The following ABCA1 variants were observed in gnomAD, a reference collection of about 807,000 sequenced individuals.
ABCA1 encodes the protein phospholipid-transporting ATPase ABCA1.
Under a neutral mutation model 262.5 loss-of-function variants are expected in ABCA1, and 133 were observed. That is an observed-to-expected ratio of 0.51 (90% CI 0.44 to 0.59). ABCA1 has a LOEUF of 0.59. Ranked by LOEUF, ABCA1 falls within the 20% of genes least tolerant of loss-of-function variation. The pLI, the probability that ABCA1 is intolerant of heterozygous loss-of-function variation, is 0.00. For synonymous variants in ABCA1, 1,022 were observed against 1,043.5 expected, an observed-to-expected ratio of 0.98 and a Z score of 0.40; for missense variants, 2,452 against 2,777.5, an observed-to-expected ratio of 0.88 and a Z score of 2.63.
chr9:104,803,007 A>G (rs1830470973), intron 33 of ABCA1, among the ~76,000 whole-genome samples: 1 of 152,180 alleles, frequency 6.6e-6, no homozygotes, highest in Non-Finnish European at 1.5e-5. Flanking sequence ...ATTCTCCTCA[A>G]GGAAATCAGT....
Position 104,829,037 on chromosome 9 carries a change from G to A in ABCA1, c.1994C>T (p.Ala665Val), listed in dbSNP as rs764572228. 3 of 1,614,196 alleles carry A rather than the reference G, an allele frequency of 1.9e-6. No homozygotes were observed. Among genetic ancestry groups the A allele is most frequent in the African/African-American group, 1.3e-5 (1 of 75,060 alleles). ...IIKGIVYEKEARLKETMRIMG... is the reference protein window; with the variant it reads ...IIKGIVYEKEVRLKETMRIMG... Reference sequence around the variant, plus strand: ...GATCCGCATGGTCTCTTTCAGCCGTGCCTCCTTCTCATACACGATGCCCTT... The same window carrying A: ...GATCCGCATGGTCTCTTTCAGCCGTACCTCCTTCTCATACACGATGCCCTT... Residue 665 changes from alanine to valine, a missense_variant, in exon 15 of 50, where the codon GCA (alanine) becomes GTA (valine). Transcript: ENST00000374736.
intron 2 of ABCA1, among the ~76,000 whole-genome samples, chr9:104,897,217 A>G (rs1030308918): frequency 2.6e-5 from 4 of 152,130 alleles, no homozygotes; most frequent in African/African-American, 9.7e-5. Context: ...CACATCAGAA[A>G]AATGCTAGAG....
chr9:104,927,683 A>G, intron 1 of ABCA1: 1 of 150,998 alleles, frequency 6.6e-6, no homozygotes, highest in Non-Finnish European at 1.5e-5. Context: ...CCGGGTCTCC[A>G]CGCCCAGAGA....
chr9:104,851,353 C>T (rs1283451288), intron 7 of ABCA1, among the ~76,000 whole-genome samples: 1 of 152,180 alleles, frequency 6.6e-6, no homozygotes, highest in African/African-American at 2.4e-5. Flanking sequence ...GAAAGACCTG[C>T]CTCAGCCGAC....
At position 104,907,960 on chromosome 9, in the gene ABCA1, AT is replaced by A. The variant is rs539759869; in HGVS notation, c.-92-4190del. Among the ~76,000 whole-genome samples, 300 of 152,310 alleles carry A rather than the reference AT, an allele frequency of 2.0e-3. 2 individuals carry two copies. The highest frequency in any genetic ancestry group is 7.1e-3 in the African/African-American group (294 of 41,568). On this transcript the variant is annotated intron_variant, in intron 1 of 49. Transcript: ENST00000374736. Reference sequence around the variant, plus strand: ...AGTGACTGCTGGAAACCTTTGGCCAATTTTTTAAGGAAATTTTAACTGCAAA... The same window carrying A: ...AGTGACTGCTGGAAACCTTTGGCCAATTTTTAAGGAAATTTTAACTGCAAA...
intron 1 of ABCA1, among the ~76,000 whole-genome samples, chr9:104,927,221 G>A (rs2472374): frequency 0.47 from 56,688 of 121,280 alleles, 11,551 homozygotes; most frequent in South Asian, 0.64. Context: ...AGAAAAAAAA[G>A]AAAAAGAAAA....
At chr9:104,870,886 G>A (rs1212744924) in intron 5 of ABCA1, among the ~76,000 whole-genome samples, 1 of 152,074 alleles carries the variant, frequency 6.6e-6, no homozygotes, top group African/African-American at 2.4e-5. Flanking sequence ...GCTCAGTGGG[G>A]GAGCTTCTGA....
chr9:104,856,007 T>G, intron 7 of ABCA1: 1 of 1,612,898 alleles, frequency 6.2e-7, no homozygotes, highest in Non-Finnish European at 8.5e-7. Context: ...ATGTTGGGCT[T>G]TGCATCTCCG....
chr9:104,903,683 C>G lies in ABCA1; in HGVS notation c.-4G>C. The stretch of plus-strand genomic sequence containing the variant: ...TCAGCTGAGGCCAACAAGCCATGTT[C>G]CCTCAGCCAGCACCCCCAGCGTGTG... On this transcript the variant is annotated 5_prime_UTR_variant, in exon 2 of 50. Coordinates refer to ENST00000374736, the MANE Select transcript of ABCA1 (RefSeq NM_005502.4). 6.3e-7 allele frequency: 1 copy of G among 1,577,764 alleles called. No individual in the cohort carries two copies. Among genetic ancestry groups the G allele is most frequent in the Non-Finnish European group, 8.6e-7 (1 of 1,161,032 alleles).
intron 2 of ABCA1, among the ~76,000 whole-genome samples, chr9:104,892,636 T>C (rs1202731998): frequency 2.6e-5 from 4 of 152,178 alleles, no homozygotes; most frequent in African/African-American, 9.7e-5. Flanking sequence ...CACATGATAA[T>C]GGCTTTAAAA....
At chr9:104,863,168 C>T (rs1474867163) in intron 5 of ABCA1, among the ~76,000 whole-genome samples, 1 of 152,074 alleles carries the variant, frequency 6.6e-6, no homozygotes, top group Non-Finnish European at 1.5e-5. Flanking sequence ...GGCGTCCCTG[C>T]GTACCTCATG....
chr9:104,827,415 C>T (rs910216091), intron 15 of ABCA1, among the ~76,000 whole-genome samples: 10 of 152,176 alleles, frequency 6.6e-5, no homozygotes, highest in Admixed American at 3.9e-4. Context: ...GGGCTTTCTA[C>T]GCATTTCAGT....
At chr9:104,903,403 A>T (rs967990036) in intron 2 of ABCA1, among the ~76,000 whole-genome samples, 9 of 152,140 alleles carry the variant, frequency 5.9e-5, no homozygotes, top group Admixed American at 5.2e-4. Context: ...AACCAAAGCT[A>T]CTATTTCTAC....
chr9:104,873,022 G>T (rs1453237910), intron 5 of ABCA1, among the ~76,000 whole-genome samples: 1 of 151,924 alleles, frequency 6.6e-6, no homozygotes, highest in African/African-American at 2.4e-5. Context: ...CAGCCCAGCT[G>T]GGCCCAGGCC....
intron 16 of ABCA1, 109 bp from the exon 17 acceptor site, chr9:104,825,996 A>G (rs1832780586): frequency 1.8e-6 from 2 of 1,091,006 alleles, no homozygotes; most frequent in Admixed American, 2.0e-5. Flanking sequence ...AAATGGATCA[A>G]TCATAAGGTG....
chr9:104,845,624 T>G, intron 7 of ABCA1, 55 bp from the exon 8 acceptor site: 36 of 1,221,250 alleles, frequency 2.9e-5, no homozygotes, highest in South Asian at 4.9e-5. Context: ...CTGAAATCTC[T>G]ATTGGAAATA....
intron 27 of ABCA1, among the ~76,000 whole-genome samples, chr9:104,813,074 C>T (rs932725025): frequency 1.3e-5 from 2 of 152,214 alleles, no homozygotes; most frequent in Non-Finnish European, 2.9e-5. Context: ...AGGCCATGTA[C>T]GTAGCTTGAC....
intron 28 of ABCA1, 49 bp downstream of exon 28, chr9:104,812,525 G>A (rs1368811058): frequency 2.5e-6 from 4 of 1,612,416 alleles, no homozygotes; most frequent in South Asian, 1.1e-5. Context: ...CACAGAGCCT[G>A]CAGCCCACCC....
chr9:104,869,067 A>G (rs1588458577), intron 5 of ABCA1, among the ~76,000 whole-genome samples: 2 of 152,024 alleles, frequency 1.3e-5, no homozygotes, highest in Non-Finnish European at 2.9e-5. Flanking sequence ...AGAGCAGCTC[A>G]GGAAGGCGGA....
Sources: allele counts gnomAD v4.1 joint callset (sites outside exome capture counted in the v4.1 genomes callset), GRCh38; gene constraint gnomAD v4.1.1; transcripts MANE v1.5; gene names NCBI Gene and HGNC (gene_info 2026-07-23, HGNC 2026-07-21).